Variants in DPYSL3 observed in about 807,000 individuals in gnomAD.
DPYSL3 encodes the protein dihydropyrimidinase like 3.
A neutral mutation model predicts 66.1 loss-of-function variants in DPYSL3; 16 were observed. The observed-to-expected ratio is 0.24, with a 90% CI of 0.16 to 0.37. DPYSL3 has a LOEUF of 0.37. DPYSL3 is among the 10% of genes least tolerant of loss of function. The pLI, the probability that DPYSL3 is intolerant of heterozygous loss-of-function variation, is 1.00. For missense variants in DPYSL3, 738 were observed against 916.2 expected (o/e 0.81, Z 2.51); for synonymous variants, 338 against 345.1 (o/e 0.98, Z 0.23).
At chr5:147,413,993 C>CTCTAGA (rs996878568) in intron 4 of DPYSL3, among the ~76,000 whole-genome samples, 1 of 152,216 alleles carries the variant, frequency 6.6e-6, no homozygotes, top group Admixed American at 6.5e-5. Context: ...CACTCTAGCA[C>CTCTAGA]ACCAGTTGTG....
intron 12 of DPYSL3, among the ~76,000 whole-genome samples, chr5:147,396,079 G>T (rs770053076): frequency 2.4e-4 from 37 of 152,240 alleles, no homozygotes; most frequent in Non-Finnish European, 4.6e-4. Flanking sequence ...CAGCTGAAGT[G>T]GGAGTGATTA....
At chr5:147,407,781 A>G (rs74822282) in intron 7 of DPYSL3, among the ~76,000 whole-genome samples, 2,982 of 152,282 alleles carry the variant, frequency 0.02, 96 homozygotes, top group African/African-American at 0.068. Context: ...ATTATAAATT[A>G]TTTAAATGGC....
At chr5:147,413,695 C>T (rs1307128054) in intron 4 of DPYSL3, 38 bp from the exon 5 acceptor site, 1 of 1,533,736 alleles carries the variant, frequency 6.5e-7, no homozygotes, top group Admixed American at 1.7e-5. Flanking sequence ...AAGAGAAAGA[C>T]AACATTATCA....
chr5:147,487,815 G>A (rs1753358481), intron 1 of DPYSL3, among the ~76,000 whole-genome samples: 2 of 152,148 alleles, frequency 1.3e-5, no homozygotes, highest in South Asian at 2.1e-4. Context: ...CTGACAGAAT[G>A]CATTTCCAGA....
chr5:147,427,910 AG>A (rs1353866267), intron 1 of DPYSL3, among the ~76,000 whole-genome samples: 1 of 152,178 alleles, frequency 6.6e-6, no homozygotes, highest in Non-Finnish European at 1.5e-5. Flanking sequence ...GGTTTTGGAA[AG>A]GGGCCAGTTT....
chr5:147,397,641 A>G (rs1758030707), intron 12 of DPYSL3, 25 bp downstream of exon 12: 5 of 1,603,542 alleles, frequency 3.1e-6, no homozygotes, highest in Non-Finnish European at 4.3e-6. Context: ...CTCCTGCACC[A>G]CCTCAGAGCT....
chr5:147,397,727 C>A lies in DPYSL3; in HGVS notation c.1742G>T (p.Arg581Leu). The change falls in exon 12 of 14, where the codon CGC becomes CTC. Residue 581 changes from arginine (R) to leucine (L), a missense_variant. Arg to Leu is a moderately radical substitution (Grantham distance 102). Coordinates refer to ENST00000343218, the MANE Select transcript of DPYSL3 (RefSeq NM_001197294.2). ...GNLHVTQGAGRFIPCSPFSDY... is the reference protein window; with the variant it reads ...GNLHVTQGAGLFIPCSPFSDY... ...GGAGAACGGGCTGCAGGGTATGAAG[C>A]GGCCAGCCCCCTGGGTCACGTGCAG... 1 of 1,614,114 alleles carries A rather than the reference C, an allele frequency of 6.2e-7. No homozygotes were observed. Among genetic ancestry groups the A allele is most frequent in the Non-Finnish European group, 8.5e-7 (1 of 1,180,024 alleles).
chr5:147,509,454 G>C lies in DPYSL3; in HGVS notation c.381+24C>G, dbSNP rs1432565843. The stretch of plus-strand genomic sequence containing the variant: ...TGGAGAAAGGAACGAAGGCAAGGAG[G>C]GAAGTGACCCGGGGCCCCCTTACCT... On this transcript the variant is annotated intron_variant, in intron 1 of 13. Coordinates refer to ENST00000343218, the MANE Select transcript of DPYSL3 (RefSeq NM_001197294.2). The surrounding 1 kb of genome is among the most constrained non-coding windows in gnomAD (Gnocchi z 5.3). 1 of 1,481,834 alleles carries C rather than the reference G, an allele frequency of 6.7e-7. No individual in the cohort carries two copies. Among genetic ancestry groups the C allele is most frequent in the East Asian group, 2.5e-5 (1 of 40,434 alleles). The allele number at this position is 1,481,834 out of a possible 1,614,324, so 91.8% of individuals were successfully genotyped here.
chr5:147,452,874 A>G (rs1561793793), intron 1 of DPYSL3, among the ~76,000 whole-genome samples: 1 of 134,254 alleles, frequency 7.4e-6, no homozygotes. Context: ...TGTAAAGTGC[A>G]TCGAAGGCAC....
chr5:147,417,144 G>A (rs140514304), intron 3 of DPYSL3, among the ~76,000 whole-genome samples: 88 of 152,202 alleles, frequency 5.8e-4, no homozygotes, highest in Non-Finnish European at 1.0e-3. Context: ...TTTTACTCTC[G>A]TCACGGGGAA....
chr5:147,419,936 C>CA (rs1739370202), intron 2 of DPYSL3, among the ~76,000 whole-genome samples: 1 of 152,114 alleles, frequency 6.6e-6, no homozygotes, highest in Admixed American at 6.6e-5. Flanking sequence ...AATTGAGAAC[C>CA]AAGGGCATGA....
In DPYSL3 at chr5:147,495,326, G is replaced by C. The variant is rs536538241; in HGVS notation, c.381+14152C>G. 3.3e-5 allele frequency among the ~76,000 whole-genome samples: 5 copies of C among 152,290 alleles called. No homozygotes were observed. In the South Asian group the frequency reaches 1.0e-3, roughly 32 times the overall value. ...GGCAAAAACTGGAAGCATTCCCTTT[G>C]AAAACTGACACAAGACAGGGATGCC... On this transcript the variant is annotated intron_variant, in intron 1 of 13. Transcript: ENST00000343218.
At chr5:147,416,513 T>C (rs539137309) in intron 3 of DPYSL3, among the ~76,000 whole-genome samples, 2 of 152,220 alleles carry the variant, frequency 1.3e-5, no homozygotes, top group African/African-American at 2.4e-5. Context: ...CAACCATGGA[T>C]ACATTTTTTT....
intron 1 of DPYSL3, among the ~76,000 whole-genome samples, chr5:147,452,223 G>T (rs1334768608): frequency 6.6e-6 from 1 of 152,150 alleles, no homozygotes. Context: ...AGAGGGGAAG[G>T]TTCTGCATCT....
intron 8 of DPYSL3, among the ~76,000 whole-genome samples, chr5:147,403,185 G>T (rs1403365923): frequency 6.6e-6 from 1 of 152,116 alleles, no homozygotes. Context: ...CGATGGCAAT[G>T]ATTCACATTG....
At chr5:147,466,141 A>G (rs574289717) in intron 1 of DPYSL3, among the ~76,000 whole-genome samples, 1 of 152,360 alleles carries the variant, frequency 6.6e-6, no homozygotes, top group Admixed American at 6.5e-5. Flanking sequence ...TAGCTAGAGT[A>G]AAATATTGGC....
chr5:147,403,960 A>G (rs75057602), intron 8 of DPYSL3, among the ~76,000 whole-genome samples: 1 of 152,058 alleles, frequency 6.6e-6, no homozygotes, highest in Non-Finnish European at 1.5e-5. Context: ...TATAACTAAA[A>G]CACCCTGTCC....
chr5:147,469,811 A>G (rs1247338636), intron 1 of DPYSL3, among the ~76,000 whole-genome samples: 1 of 152,196 alleles, frequency 6.6e-6, no homozygotes, highest in East Asian at 1.9e-4. Context: ...TAGCCTCAGT[A>G]TCATACATCT....
At chr5:147,453,507 G>T (rs1752779901) in intron 1 of DPYSL3, 1 of 1,515,630 alleles carries the variant, frequency 6.6e-7, no homozygotes, top group African/African-American at 1.4e-5. Context: ...CAGCGGACAG[G>T]GAGCGAGCGA....
Sources: allele counts gnomAD v4.1 joint callset (sites outside exome capture counted in the v4.1 genomes callset), GRCh38; gene constraint gnomAD v4.1.1; non-coding constraint Gnocchi (gnomAD v3.1); transcripts MANE v1.5; gene names NCBI Gene and HGNC (gene_info 2026-07-23, HGNC 2026-07-21).